REPS1: variants seen among roughly 807,000 people sequenced by gnomAD.
REPS1 encodes RALBP1 associated Eps domain containing 1, also known as ralBP1-associated Eps domain-containing protein 1.
Under a neutral mutation model 100.9 loss-of-function variants are expected in REPS1, and 39 were observed. That is an observed-to-expected ratio of 0.39 (90% CI 0.30 to 0.50). The LOEUF (loss-of-function observed/expected upper bound fraction) is 0.50, where lower values mean the gene tolerates loss of function less well. Ranked by LOEUF, REPS1 falls within the 20% of genes least tolerant of loss-of-function variation. The probability of loss-of-function intolerance (pLI) is 0.86; values close to 1 mark genes in which losing one functional copy is unlikely to be tolerated. For missense variants in REPS1, 821 were observed against 968.5 expected (o/e 0.85, Z 2.02); for synonymous variants, 324 against 340.3 (o/e 0.95, Z 0.53).
chr6:138,938,167 G>A (rs1203175555), intron 8 of REPS1, among the ~76,000 whole-genome samples: 3 of 152,122 alleles, frequency 2.0e-5, no homozygotes, highest in Non-Finnish European at 4.4e-5. Flanking sequence ...CAGTGCTGAT[G>A]TTATTAAATA....
intron 1 of REPS1, among the ~76,000 whole-genome samples, chr6:138,983,455 AAAAAAT>A (rs146935853): frequency 0.072 from 10,942 of 152,022 alleles, 748 homozygotes; most frequent in East Asian, 0.2. Flanking sequence ...AGACTGTCTC[AAAAAAT>A]AAAAATAAAA....
At chr6:138,955,456 A>AGTGTGTGTGTGTG (rs1562552291) in intron 1 of REPS1, among the ~76,000 whole-genome samples, 1 of 46,858 alleles carries the variant, frequency 2.1e-5, no homozygotes, top group African/African-American at 1.4e-4. Flanking sequence ...AAAAAAAAAA[A>AGTGTGTGTGTGTG]AGTGTGTGTG....
Position 138,987,760 on chromosome 6 carries a change from G to A in REPS1, c.-78C>T. 7.1e-7 allele frequency: 1 copy of A among 1,401,790 alleles called. No homozygotes were observed. The highest frequency in any genetic ancestry group is 9.3e-7 in the Non-Finnish European group (1 of 1,075,046). 86.8% of individuals were successfully genotyped at this position (1,401,790 alleles called of 1,614,324 possible). ...GCCCCAGGAACCTGGGCCGGCAGGG[G>A]CTGCGCGTGGCCCGGCCTCCTGCTA... On this transcript the variant is annotated 5_prime_UTR_variant, in exon 1 of 20. Coordinates refer to ENST00000450536, the MANE Select transcript of REPS1 (RefSeq NM_001286611.2).
chr6:138,942,945 A>C (rs13213537), intron 7 of REPS1, among the ~76,000 whole-genome samples: 21,704 of 152,032 alleles, frequency 0.14, 1,836 homozygotes, highest in South Asian at 0.35. Context: ...ACAGGGTTTC[A>C]CCATGTTGCC....
intron 2 of REPS1, among the ~76,000 whole-genome samples, chr6:138,947,035 G>GCTCTCTCTCTCTCTTGCTCTCTCTCT (rs1554292164): frequency 1.5e-5 from 2 of 137,636 alleles, no homozygotes; most frequent in African/African-American, 5.6e-5. Flanking sequence ...ATTCCCCCTT[G>GCTCTCTCTCTCTCTTGCTCTCTCTCT]CTCTCTCTCT....
intron 1 of REPS1, among the ~76,000 whole-genome samples, chr6:138,958,517 G>GC (rs11397957): frequency 0.65 from 98,110 of 151,884 alleles, 33,832 homozygotes; most frequent in African/African-American, 0.9. Flanking sequence ...TCCCCAACAG[G>GC]CCTGGTGTGT....
At chr6:138,987,508 C>T in intron 1 of REPS1, 22 bp downstream of exon 1, 3 of 1,542,608 alleles carry the variant, frequency 1.9e-6, no homozygotes, top group Non-Finnish European at 2.6e-6. Flanking sequence ...AGCCGCCCGC[C>T]GGCCCCGGGA....
intron 19 of REPS1, among the ~76,000 whole-genome samples, chr6:138,905,348 A>C (rs921088638): frequency 1.3e-5 from 2 of 152,182 alleles, no homozygotes; most frequent in Non-Finnish European, 2.9e-5. Context: ...GCGGACTGCA[A>C]TGGCGCAATC....
intron 10 of REPS1, among the ~76,000 whole-genome samples, chr6:138,922,359 C>T (rs949533582): frequency 6.6e-6 from 1 of 152,058 alleles, no homozygotes; most frequent in Non-Finnish European, 1.5e-5. Flanking sequence ...GAACAAGACT[C>T]CCATTCTAAG....
At chr6:138,913,815 T>A (rs568378381) in intron 15 of REPS1, among the ~76,000 whole-genome samples, 7 of 152,366 alleles carry the variant, frequency 4.6e-5, no homozygotes, top group Admixed American at 3.9e-4. Flanking sequence ...CATCGCTTTG[T>A]GGATGTCATA....
At chr6:138,971,978 A>G (rs1224532093) in intron 1 of REPS1, among the ~76,000 whole-genome samples, 1 of 152,232 alleles carries the variant, frequency 6.6e-6, no homozygotes. Flanking sequence ...TGTTCTGCAC[A>G]TCAAGAAAGA....
intron 11 of REPS1, among the ~76,000 whole-genome samples, chr6:138,920,641 T>A (rs1413181502): frequency 6.6e-6 from 1 of 152,166 alleles, no homozygotes; most frequent in Non-Finnish European, 1.5e-5. Flanking sequence ...ACAAAAAAAA[T>A]CTACCTTTGA....
intron 1 of REPS1, among the ~76,000 whole-genome samples, chr6:138,968,750 C>G (rs1394377808): frequency 6.6e-6 from 1 of 152,090 alleles, no homozygotes; most frequent in African/African-American, 2.4e-5. Flanking sequence ...TAATTTCAGC[C>G]AAACACCACT....
chr6:138,908,582 A>G (rs1779809829), intron 18 of REPS1, 86 bp downstream of exon 18: 1 of 1,463,744 alleles, frequency 6.8e-7, no homozygotes, highest in South Asian at 1.1e-5. Flanking sequence ...GGTGTGAGCC[A>G]CCACGCCTGG....
chr6:138,979,710 T>G (rs1582866352), intron 1 of REPS1, among the ~76,000 whole-genome samples: 1 of 152,224 alleles, frequency 6.6e-6, no homozygotes, highest in Non-Finnish European at 1.5e-5. Context: ...CATTCCCAAT[T>G]TGTACCACTC....
intron 1 of REPS1, among the ~76,000 whole-genome samples, chr6:138,952,460 C>T (rs550052775): frequency 2.0e-5 from 3 of 151,724 alleles, no homozygotes; most frequent in African/African-American, 2.4e-5. Flanking sequence ...AGAGCAATGG[C>T]GCGATCTCAG....
chr6:138,914,507 C>G (rs1780223622), intron 15 of REPS1, among the ~76,000 whole-genome samples, 190 bp downstream of exon 15: 1 of 152,154 alleles, frequency 6.6e-6, no homozygotes, highest in African/African-American at 2.4e-5. Flanking sequence ...AAGGCTCTTT[C>G]AAAAAATAAC....
In REPS1 at chr6:138,938,664, G is replaced by T. The variant is rs565191286; in HGVS notation, c.1135+2671C>A. ...AAAAAACAAAACAGGATTTAGTGTG[G>T]TATGTTTCAGTAATTAGCATGTAGA... On this transcript the variant is annotated intron_variant, in intron 8 of 19. Coordinates refer to ENST00000450536, the MANE Select transcript of REPS1 (RefSeq NM_001286611.2). Among the ~76,000 whole-genome samples the T allele has an allele frequency of 3.9e-5, 6 of 152,040 alleles. No homozygotes were observed. In the East Asian group the frequency reaches 9.6e-4, roughly 24 times the overall value.
chr6:138,943,735 A>C (rs1782419870), intron 6 of REPS1, 118 bp downstream of exon 6: 1 of 1,078,342 alleles, frequency 9.3e-7, no homozygotes, highest in Non-Finnish European at 1.3e-6. Flanking sequence ...TTTTTAGACA[A>C]ATAATCTGAT....
Sources: allele counts gnomAD v4.1 joint callset (sites outside exome capture counted in the v4.1 genomes callset), GRCh38; gene constraint gnomAD v4.1.1; transcripts MANE v1.5; gene names NCBI Gene and HGNC (gene_info 2026-07-23, HGNC 2026-07-21).